PHLPP1: variants seen among roughly 807,000 people sequenced by gnomAD.
PHLPP1 encodes the protein PH domain and leucine rich repeat protein phosphatase 1, also known as PH domain leucine-rich repeat-containing protein phosphatase 1.
In PHLPP1, 42 loss-of-function variants were observed where a neutral mutation model predicts 117.2. The observed-to-expected ratio is 0.36, with a 90% CI of 0.28 to 0.46. The LOEUF (loss-of-function observed/expected upper bound fraction) is 0.46, where lower values mean the gene tolerates loss of function less well. Among genes scored for constraint, PHLPP1 ranks in the 20% least tolerant of loss-of-function variants. The pLI is 1.00. For missense variants in PHLPP1, 2,084 were observed against 2,241.9 expected (o/e 0.93, Z 1.42); for synonymous variants, 1,042 against 970.7 (o/e 1.07, Z -1.37).
chr18:62,862,387 A>G (rs1915655093), intron 4 of PHLPP1, among the ~76,000 whole-genome samples: 1 of 152,034 alleles, frequency 6.6e-6, no homozygotes, highest in South Asian at 2.1e-4. Flanking sequence ...AGCCAATATC[A>G]CCACTGATCT....
At chr18:62,753,018 T>G (rs935051488) in intron 1 of PHLPP1, among the ~76,000 whole-genome samples, 1 of 152,202 alleles carries the variant, frequency 6.6e-6, no homozygotes, top group Non-Finnish European at 1.5e-5. Flanking sequence ...AAAATAGCTG[T>G]TTAAGGGTTA....
chr18:62,738,773 C>CT (rs1568098946), intron 1 of PHLPP1, among the ~76,000 whole-genome samples: 1 of 152,218 alleles, frequency 6.6e-6, no homozygotes, highest in African/African-American at 2.4e-5. Context: ...GTCTGTCAAT[C>CT]TTACTGTATT....
At chr18:62,849,684 T>G (rs978705010) in intron 3 of PHLPP1, among the ~76,000 whole-genome samples, 1 of 139,964 alleles carries the variant, frequency 7.1e-6, no homozygotes, top group Non-Finnish European at 1.5e-5. Context: ...CCAGGCATGG[T>G]GAATGGTGGT....
chr18:62,809,425 G>C (rs987948405), intron 1 of PHLPP1, among the ~76,000 whole-genome samples: 1 of 152,226 alleles, frequency 6.6e-6, no homozygotes, highest in African/African-American at 2.4e-5. Context: ...AACAGGCCAG[G>C]TGCGGTGGCT....
intron 9 of PHLPP1, among the ~76,000 whole-genome samples, chr18:62,916,744 A>ATTTT (rs1909290526): frequency 5.9e-4 from 55 of 93,660 alleles, no homozygotes; most frequent in East Asian, 1.0e-3. Flanking sequence ...CTTTCCTTCT[A>ATTTT]TTCTTTTTTT....
At chr18:62,768,161 A>C (rs1440233984) in intron 1 of PHLPP1, among the ~76,000 whole-genome samples, 1 of 152,226 alleles carries the variant, frequency 6.6e-6, no homozygotes, top group Non-Finnish European at 1.5e-5. Flanking sequence ...TAAAGTTAAA[A>C]GTTTGAGAAC....
At chr18:62,953,585 G>A (rs141465889) in intron 12 of PHLPP1, among the ~76,000 whole-genome samples, 64 of 152,260 alleles carry the variant, frequency 4.2e-4, no homozygotes, top group African/African-American at 1.4e-3. Context: ...CCACTATCTT[G>A]GGAGTTCCTC....
intron 12 of PHLPP1, among the ~76,000 whole-genome samples, chr18:62,948,181 C>T (rs1031440829): frequency 2.6e-5 from 4 of 151,898 alleles, no homozygotes; most frequent in African/African-American, 9.7e-5. Flanking sequence ...AAAAATTAGC[C>T]AGGTGTGGTG....
intron 1 of PHLPP1, among the ~76,000 whole-genome samples, chr18:62,818,047 G>T (rs531162194): frequency 6.6e-6 from 1 of 151,846 alleles, no homozygotes; most frequent in South Asian, 2.1e-4. Flanking sequence ...CCGAGACAGG[G>T]TTTCACCATA....
rs536437699 is a variant in PHLPP1 at position 62,766,005 on chromosome 18, G to A, written c.1576+48746G>A. ...AGAGCGAGAAGGGGGAGCTTGCAGT[G>A]AGCCGAGATCGCGCCACTGCGCTCC... is the stretch of plus-strand genomic sequence containing the variant. On this transcript the variant is annotated intron_variant, in intron 1 of 16. Transcript: ENST00000262719. Among the ~76,000 whole-genome samples, 316 of 138,818 alleles carry A rather than the reference G, an allele frequency of 2.3e-3. 1 individual carries two copies. The highest frequency in any genetic ancestry group is 8.3e-3 in the African/African-American group (309 of 37,282). 91.1% of individuals were successfully genotyped at this position (138,818 alleles called of 152,430 possible).
At chr18:62,754,053 C>T (rs1911938494) in intron 1 of PHLPP1, among the ~76,000 whole-genome samples, 1 of 152,190 alleles carries the variant, frequency 6.6e-6, no homozygotes, top group Admixed American at 6.5e-5. Context: ...GTAGTTCCCA[C>T]CCTGCTTGTC....
In PHLPP1 at chr18:62,716,609, C is replaced by T. The variant is rs1390415533; in HGVS notation, c.926C>T (p.Pro309Leu). The change falls in exon 1 of 17, where the codon CCG becomes CTG. Residue 309 changes from proline to leucine, a missense_variant. Pro to Leu is a moderately conservative substitution (Grantham distance 98, BLOSUM62 -3). Around this residue, in one of 2 missense-constraint regions of PHLPP1, gnomAD observed 719 missense variants for 636.0 expected, o/e 1.13. Coordinates refer to ENST00000262719, the MANE Select transcript of PHLPP1 (RefSeq NM_194449.4). This position sits in a 1 kb window ranked among gnomAD's most constrained non-coding sequence, Gnocchi z 5.7. Reference protein sequence around the residue: ...PADLPLPVGGPGGWSRRASPA... With the variant: ...PADLPLPVGGLGGWSRRASPA... ...GACCTACCCCTGCCCGTCGGCGGCC[C>T]GGGCGGGTGGTCGCGCCGCGCCAGC... is the stretch of plus-strand genomic sequence containing the variant. The T allele has an allele frequency of 5.3e-6, 7 of 1,311,074 alleles. No individual in the cohort carries two copies. Among genetic ancestry groups the T allele is most frequent in the East Asian group, 3.1e-5 (1 of 31,780 alleles). 81.2% of individuals were successfully genotyped at this position (1,311,074 alleles called of 1,614,324 possible).
At chr18:62,767,465 T>G in intron 1 of PHLPP1, among the ~76,000 whole-genome samples, 1 of 152,240 alleles carries the variant, frequency 6.6e-6, no homozygotes, top group East Asian at 1.9e-4. Context: ...AGTTTTCTGT[T>G]GGATTTGATC....
intron 1 of PHLPP1, among the ~76,000 whole-genome samples, chr18:62,818,903 G>A (rs1568126924): frequency 6.6e-6 from 1 of 152,186 alleles, no homozygotes; most frequent in African/African-American, 2.4e-5. Context: ...CACAGTGGTG[G>A]TTTTCAAGCT....
chr18:62,972,798 C>A, intron 15 of PHLPP1, 90 bp downstream of exon 15: 2 of 954,642 alleles, frequency 2.1e-6, no homozygotes, highest in South Asian at 1.7e-5. Flanking sequence ...GCCCAATGGT[C>A]TCCAAGCCAT....
intron 3 of PHLPP1, among the ~76,000 whole-genome samples, chr18:62,845,600 C>G (rs73967017): frequency 0.018 from 2,753 of 152,184 alleles, 69 homozygotes; most frequent in African/African-American, 0.062. Context: ...TCCAACATAT[C>G]GATTTGTGTT....
At chr18:62,858,198 A>T (rs1744120755) in intron 3 of PHLPP1, among the ~76,000 whole-genome samples, 1 of 151,804 alleles carries the variant, frequency 6.6e-6, no homozygotes, top group South Asian at 2.1e-4. Flanking sequence ...TCACCCCAGT[A>T]TACCTTTAGC....
At chr18:62,972,935 A>C (rs1911095154) in intron 15 of PHLPP1, among the ~76,000 whole-genome samples, 1 of 152,054 alleles carries the variant, frequency 6.6e-6, no homozygotes, top group South Asian at 2.1e-4. Context: ...GACAATGACA[A>C]GGAATTAGTT....
At chr18:62,818,263 G>T (rs1450570559) in intron 1 of PHLPP1, among the ~76,000 whole-genome samples, 1 of 152,140 alleles carries the variant, frequency 6.6e-6, no homozygotes, top group Non-Finnish European at 1.5e-5. Flanking sequence ...AGCCGCAGTG[G>T]CTCACGCCTG....
Sources: gnomAD v4.1 joint callset for allele counts (sites outside exome capture counted in the v4.1 genomes callset) on GRCh38, gnomAD v4.1.1 for gene constraint, gnomAD v4.1.1 regional missense constraint, Gnocchi (gnomAD v3.1) non-coding constraint, MANE v1.5 for transcripts, NCBI Gene and HGNC (gene_info 2026-07-23, HGNC 2026-07-21) for gene names.